CENPI: variants seen among roughly 807,000 people sequenced by gnomAD.
The protein encoded by CENPI is FSH primary response 1.
Under a neutral mutation model 60.4 loss-of-function variants are expected in CENPI, and 4 were observed. The observed-to-expected ratio is 0.07, with a 90% confidence interval of 0.03 to 0.15. The LOEUF (loss-of-function observed/expected upper bound fraction) is 0.15. CENPI is among the 10% of genes least tolerant of loss of function. The pLI is 1.00. For missense variants in CENPI, 444 were observed against 534.5 expected (o/e 0.83, Z 1.67); for synonymous variants, 157 against 189.4 (o/e 0.83, Z 1.40).
intron 3 of CENPI, among the ~76,000 whole-genome samples, chrX:101,101,955 G>A (rs896872211): frequency 1.8e-5 from 2 of 112,032 alleles, no homozygotes; most frequent in African/African-American, 6.5e-5. Flanking sequence ...ATCATTGTAC[G>A]TTTAACCTTT....
downstream of CENPI, among the ~76,000 whole-genome samples, chrX:101,169,463 CAT>C (rs1306888653): frequency 8.9e-6 from 1 of 112,150 alleles, no homozygotes; most frequent in Non-Finnish European, 1.9e-5. Context: ...CAACGTGTTA[CAT>C]GTTTGTGATG....
Position 101,103,931 on chromosome X carries a change from A to G in CENPI, c.364+1520A>G, listed in dbSNP as rs141893377. Among the ~76,000 whole-genome samples, 5 of 112,237 alleles carry G rather than the reference A, an allele frequency of 4.5e-5. No individual in the cohort carries two copies. In the East Asian group the frequency reaches 1.1e-3, roughly 25 times the overall value. On this transcript the variant is annotated intron_variant, in intron 4 of 21. Transcript: ENST00000682095. Reference sequence around the variant, plus strand: ...AAACAATGTTGCTGGAAGGCATCTTAAAAGATCACTTAGTCTACTTCATTA... The same window carrying G: ...AAACAATGTTGCTGGAAGGCATCTTGAAAGATCACTTAGTCTACTTCATTA...
rs1293940725 is a variant in CENPI, at chrX:101,130,179, A to G, written c.1287+106A>G. On this transcript the variant is annotated intron_variant, in intron 13 of 21. Coordinates refer to ENST00000682095, the MANE Select transcript of CENPI (RefSeq NM_001386188.2). Reference sequence around the variant, plus strand: ...CCCGGCTGCGGTGGCTCACACCTGTAATCTCAGCACTTTGGAGGCCAAGGC... The same window carrying G: ...CCCGGCTGCGGTGGCTCACACCTGTGATCTCAGCACTTTGGAGGCCAAGGC... 3 of 538,414 alleles carry G rather than the reference A, an allele frequency of 5.6e-6. No individual in the cohort carries two copies. In the Admixed American group the frequency reaches 9.0e-5, roughly 16 times the overall value. The allele number at this position is 538,414 out of a possible 1,213,427, so 44.4% of individuals were successfully genotyped here.
chrX:101,178,810 C>T, the CENPI span, among the ~76,000 whole-genome samples: 1 of 111,999 alleles, frequency 8.9e-6, no homozygotes, highest in Non-Finnish European at 1.9e-5. Context: ...CCCTAAATTT[C>T]AGAATTTCTT....
rs1490065111 is a variant in CENPI, at chrX:101,124,045, C to G, written c.688-2664C>G. Among the ~76,000 whole-genome samples, 5 of 109,332 alleles carry G rather than the reference C, an allele frequency of 4.6e-5. No homozygotes were observed. In the Admixed American group the frequency reaches 4.9e-4, roughly 11 times the overall value. 94.9% of individuals were successfully genotyped at this position (109,332 alleles called of 115,157 possible). A position where few individuals can be genotyped will look rare whatever the true frequency, so the allele number is the denominator to read the frequency against. On this transcript the variant is annotated intron_variant, in intron 8 of 21. Transcript: ENST00000682095. ...TTAATATTCTCAAAACAGAATTCTC[C>G]TGTTTCCTGTCTTATGTGGTTGCAC...
In CENPI at chrX:101,101,272, A is replaced by G; in HGVS notation, c.202A>G (p.Met68Val). Residue 68 changes from methionine (M) to valine (V), a missense_variant, in exon 3 of 22, where the codon ATG (methionine) becomes GTG (valine). Met to Val is a conservative substitution (Grantham distance 21). Transcript: ENST00000682095. ...DDQAEEDALQ[M>V]AVGYFEKGPI... Reference sequence around the variant, plus strand: ...TCAAGCTGAAGAAGATGCTTTGCAAATGGCAGTGGGATATTTTGAGAAAGG... The same window carrying G: ...TCAAGCTGAAGAAGATGCTTTGCAAGTGGCAGTGGGATATTTTGAGAAAGG... The G allele has an allele frequency of 8.4e-7, 1 of 1,196,298 alleles. No individual in the cohort carries two copies.
In CENPI at chrX:101,163,133, TAA is replaced by T. The variant is rs2090125276; in HGVS notation, c.*167_*168del. On this transcript the variant is annotated 3_prime_UTR_variant, in exon 22 of 22. Coordinates refer to ENST00000682095, the MANE Select transcript of CENPI (RefSeq NM_001386188.2). ...TGGCTTAGGAGAGCCTTGGTGTGCCTAACTGATTTTTCAAAATTTAGATTTTT... is the reference window on the plus strand; with the variant it reads ...TGGCTTAGGAGAGCCTTGGTGTGCCTCTGATTTTTCAAAATTTAGATTTTT... 1 of 466,266 alleles carries T rather than the reference TAA, an allele frequency of 2.1e-6. No individual in the cohort carries two copies. Among genetic ancestry groups the T allele is most frequent in the African/African-American group, 2.6e-5 (1 of 38,455 alleles). The allele number at this position is 466,266 out of a possible 1,213,427, so 38.4% of individuals were successfully genotyped here.
chrX:101,111,492 A>G, intron 6 of CENPI, among the ~76,000 whole-genome samples: 1 of 109,554 alleles, frequency 9.1e-6, no homozygotes, highest in East Asian at 2.8e-4. Flanking sequence ...GCACCAAACT[A>G]TACTAGCATA....
chrX:101,128,078 T>TA (rs1355349373), intron 11 of CENPI, among the ~76,000 whole-genome samples: 39 of 111,242 alleles, frequency 3.5e-4, no homozygotes, highest in Non-Finnish European at 5.7e-5. Flanking sequence ...CTCACACTTG[T>TA]AATCCCAGCA....
intron 9 of CENPI, among the ~76,000 whole-genome samples, 169 bp downstream of exon 9, chrX:101,126,967 C>A (rs756278998): frequency 1.9e-4 from 21 of 109,738 alleles, no homozygotes; most frequent in Admixed American, 1.9e-3. Flanking sequence ...TCGTGTTGAT[C>A]CCATTTGGTA....
At chrX:101,173,011 A>ATTTTTTTT in the CENPI span, among the ~76,000 whole-genome samples, 4 of 68,676 alleles carry the variant, frequency 5.8e-5, no homozygotes, top group Non-Finnish European at 7.9e-5. Flanking sequence ...AGTTGTAGGA[A>ATTTTTTTT]TTTTTTTTTT....
chrX:101,134,836 C>T (rs927125924), intron 15 of CENPI, among the ~76,000 whole-genome samples: 6 of 110,749 alleles, frequency 5.4e-5, no homozygotes, highest in African/African-American at 2.0e-4. Context: ...CCAGCCTAGG[C>T]AACGTGGTGA....
intron 20 of CENPI, among the ~76,000 whole-genome samples, chrX:101,154,359 AGAGTTCAG>A (rs1183159367): frequency 9.0e-6 from 1 of 111,092 alleles, no homozygotes; most frequent in African/African-American, 3.3e-5. Flanking sequence ...CCTGAGGTCA[AGAGTTCAG>A]GACCAGTCTG....
chrX:101,166,436 G>A (rs1010064225), downstream of CENPI, among the ~76,000 whole-genome samples: 1 of 112,796 alleles, frequency 8.9e-6, no homozygotes, highest in African/African-American at 3.2e-5. Context: ...TTACAGGCAT[G>A]AGCCACCGTG....
chrX:101,157,760 T>A (rs1181120845), intron 20 of CENPI, among the ~76,000 whole-genome samples: 1 of 109,129 alleles, frequency 9.2e-6, no homozygotes, highest in Non-Finnish European at 1.9e-5. Flanking sequence ...CAAGTTAGAG[T>A]AAATGGGATA....
At position 101,164,296 on chromosome X, in the gene CENPI, A is replaced by T. The variant is rs2148273103; in HGVS notation, c.*1329A>T. 9.0e-6 allele frequency among the ~76,000 whole-genome samples: 1 copy of T among 111,219 alleles called. No individual in the cohort carries two copies. The highest frequency in any genetic ancestry group is 2.8e-4 in the East Asian group (1 of 3,551). On this transcript the variant is annotated 3_prime_UTR_variant, in exon 22 of 22. Coordinates refer to ENST00000682095, the MANE Select transcript of CENPI (RefSeq NM_001386188.2). Reference sequence around the variant, plus strand: ...CCAGGTACTCTTCTGTGTGCTGGTTATACAGTTGTGACCAATACAAAGTAC... The same window carrying T: ...CCAGGTACTCTTCTGTGTGCTGGTTTTACAGTTGTGACCAATACAAAGTAC...
chrX:101,118,328 C>T (rs2089643843), intron 6 of CENPI, among the ~76,000 whole-genome samples: 1 of 111,889 alleles, frequency 8.9e-6, no homozygotes, highest in African/African-American at 3.3e-5. Flanking sequence ...CTGTGGTGCA[C>T]AGGTGTGGTT....
intron 20 of CENPI, among the ~76,000 whole-genome samples, chrX:101,151,293 G>A (rs1260519949): frequency 1.8e-5 from 2 of 111,612 alleles, no homozygotes; most frequent in African/African-American, 6.5e-5. Context: ...AAAACCCTGT[G>A]CTCTGAATTT....
intron 6 of CENPI, among the ~76,000 whole-genome samples, chrX:101,117,661 G>A (rs1431006609): frequency 9.0e-6 from 1 of 110,915 alleles, no homozygotes; most frequent in Non-Finnish European, 1.9e-5. Context: ...TAGCTCTTGG[G>A]GATTCCAGTT....
Sources: allele counts gnomAD v4.1 joint callset (sites outside exome capture counted in the v4.1 genomes callset), GRCh38; gene constraint gnomAD v4.1.1; transcripts MANE v1.5; gene names NCBI Gene and HGNC (gene_info 2026-07-23, HGNC 2026-07-21).